Variants in QTMAN observed in about 807,000 individuals in gnomAD.
QTMAN encodes queuosine-tRNA mannosyltransferase, also known as tRNA-queuosine alpha-mannosyltransferase.
chr2:144,245,933 A>G, the QTMAN span, among the ~76,000 whole-genome samples: 1 of 152,182 alleles, frequency 6.6e-6, no homozygotes, highest in Non-Finnish European at 1.5e-5. Flanking sequence ...AGGCATTGAA[A>G]TAACCTTCTG....
chr2:143,946,478 C>T, the QTMAN span: 1 of 152,812 alleles, frequency 6.5e-6, no homozygotes, highest in African/African-American at 2.4e-5. Flanking sequence ...CCTTTGCCCA[C>T]AAACAATTCT....
chr2:143,940,843 CAGTTG>C, the QTMAN span: 3 of 152,226 alleles, frequency 2.0e-5, no homozygotes, highest in African/African-American at 4.8e-5. Flanking sequence ...AGAGAAGAGT[CAGTTG>C]TCCAGAAATA....
At chr2:143,958,782 CT>C in the QTMAN span, among the ~76,000 whole-genome samples, 8,816 of 113,378 alleles carry the variant, frequency 0.078, 343 homozygotes, top group East Asian at 0.16. Flanking sequence ...TTCTTTCTTT[CT>C]TTTTTTTTTT....
chr2:144,131,808 G>A, the QTMAN span, among the ~76,000 whole-genome samples: 1 of 151,848 alleles, frequency 6.6e-6, no homozygotes, highest in Non-Finnish European at 1.5e-5. Flanking sequence ...GCAATTTCAG[G>A]CAAGCTTAAC....
chr2:144,032,391 T>C, the QTMAN span, among the ~76,000 whole-genome samples: 1 of 152,230 alleles, frequency 6.6e-6, no homozygotes, highest in Admixed American at 6.5e-5. Flanking sequence ...TTAATAAATA[T>C]TTGCTTTTGA....
At chr2:144,205,379 C>A in the QTMAN span, among the ~76,000 whole-genome samples, 3 of 152,122 alleles carry the variant, frequency 2.0e-5, no homozygotes, top group South Asian at 2.1e-4. Flanking sequence ...TAAAATCAAA[C>A]CACTTTGCTG....
chr2:144,143,128 A>G, the QTMAN span, among the ~76,000 whole-genome samples: 15 of 152,106 alleles, frequency 9.9e-5, no homozygotes, highest in Non-Finnish European at 1.5e-4. Context: ...AATATGTTGA[A>G]GGTAGGTTAG....
chr2:144,157,812 A>T, the QTMAN span, among the ~76,000 whole-genome samples: 1 of 151,978 alleles, frequency 6.6e-6, no homozygotes, highest in African/African-American at 2.4e-5. Flanking sequence ...GTGTATATAT[A>T]TGATATCTAT....
At chr2:144,208,443 T>C in the QTMAN span, among the ~76,000 whole-genome samples, 3 of 152,208 alleles carry the variant, frequency 2.0e-5, no homozygotes, top group Non-Finnish European at 2.9e-5. Context: ...AGAGGATGAG[T>C]ATACTCCACT....
At chr2:144,323,611 A>G in the QTMAN span, among the ~76,000 whole-genome samples, 1 of 152,190 alleles carries the variant, frequency 6.6e-6, no homozygotes, top group African/African-American at 2.4e-5. Context: ...AGTGATCCCT[A>G]GGGATTTGTA....
the QTMAN span, chr2:144,145,481 G>C: frequency 2.4e-6 from 2 of 850,460 alleles, no homozygotes; most frequent in South Asian, 3.7e-5. Flanking sequence ...AAAAAAAGGT[G>C]TACAATAGTA....
At chr2:144,145,750 A>C in the QTMAN span, 1 of 1,604,484 alleles carries the variant, frequency 6.2e-7, no homozygotes, top group Non-Finnish European at 8.5e-7. Context: ...CTAGGAAACA[A>C]GAAAATTGGG....
chr2:144,072,031 C>T, the QTMAN span, among the ~76,000 whole-genome samples: 3 of 152,266 alleles, frequency 2.0e-5, no homozygotes, highest in Non-Finnish European at 1.5e-5. Flanking sequence ...AGAGATTCTA[C>T]TAAATCTACA....
the QTMAN span, among the ~76,000 whole-genome samples, chr2:144,276,364 T>A: frequency 4.6e-5 from 7 of 151,686 alleles, no homozygotes; most frequent in East Asian, 1.4e-3. Context: ...CAGTATTATT[T>A]TTATTTTTAT....
chr2:144,311,204 A>C, the QTMAN span, among the ~76,000 whole-genome samples: 1 of 152,362 alleles, frequency 6.6e-6, no homozygotes, highest in South Asian at 2.1e-4. Context: ...TAGCATCAAG[A>C]TACTCATTCT....
chr2:144,302,872 G>A, the QTMAN span, among the ~76,000 whole-genome samples: 4 of 148,530 alleles, frequency 2.7e-5, no homozygotes, highest in African/African-American at 4.9e-5. Flanking sequence ...AGGCCGAGGC[G>A]GGGGGGATCA....
At chr2:144,154,520 G>A in the QTMAN span, among the ~76,000 whole-genome samples, 1 of 152,190 alleles carries the variant, frequency 6.6e-6, no homozygotes, top group African/African-American at 2.4e-5. Context: ...GACATGTTTT[G>A]CAAATACTGA....
At chr2:143,976,828 C>A in the QTMAN span, among the ~76,000 whole-genome samples, 3 of 152,332 alleles carry the variant, frequency 2.0e-5, no homozygotes, top group South Asian at 6.2e-4. Flanking sequence ...CCAACAACAT[C>A]CATGTGGCTT....
chr2:144,210,563 C>T, the QTMAN span, among the ~76,000 whole-genome samples: 2 of 151,922 alleles, frequency 1.3e-5, no homozygotes, highest in Non-Finnish European at 2.9e-5. Flanking sequence ...ATTTGAGAGC[C>T]CTGCAGGTTT....
Sources: allele counts gnomAD v4.1 joint callset (sites outside exome capture counted in the v4.1 genomes callset), GRCh38; gene constraint gnomAD v4.1.1; transcripts MANE v1.5; gene names NCBI Gene and HGNC (gene_info 2026-07-23, HGNC 2026-07-21).